The following ITPR1 variants were observed in gnomAD, a reference collection of about 807,000 sequenced individuals.
The protein encoded by ITPR1 is inositol 1,4,5-trisphosphate receptor type 1, also known as inositol 1,4,5-trisphosphate-gated calcium channel ITPR1.
ITPR1 carries 96 observed loss-of-function variants against 318.4 expected under a neutral mutation model. That is an observed-to-expected ratio of 0.30 (90% CI 0.26 to 0.36). ITPR1 has a LOEUF of 0.36. Among genes scored for constraint, ITPR1 ranks in the 10% least tolerant of loss-of-function variants. The probability of loss-of-function intolerance (pLI) is 1.00; values close to 1 mark genes in which losing one functional copy is unlikely to be tolerated. For missense variants in ITPR1, 2,440 were observed against 3,460.2 expected (o/e 0.71, Z 7.40); for synonymous variants, 1,312 against 1,289.9 (o/e 1.02, Z -0.37).
At chr3:4,653,224 C>G (rs997949237) in intron 11 of ITPR1, among the ~76,000 whole-genome samples, 20 of 152,142 alleles carry the variant, frequency 1.3e-4, no homozygotes, top group African/African-American at 4.8e-4. Context: ...GAGAGATTTC[C>G]AAGGTGATGG....
intron 44 of ITPR1, among the ~76,000 whole-genome samples, chr3:4,739,322 C>T (rs566999351): frequency 9.2e-5 from 14 of 152,144 alleles, no homozygotes; most frequent in Non-Finnish European, 1.3e-4. Context: ...ACTTCCTGTT[C>T]GGTGCACCAT....
chr3:4,532,698 A>T (rs2083519484), intron 4 of ITPR1, among the ~76,000 whole-genome samples: 1 of 152,138 alleles, frequency 6.6e-6, no homozygotes, highest in African/African-American at 2.4e-5. Context: ...ACAAGTTGTC[A>T]TGCTCCTGCA....
At chr3:4,547,804 T>G (rs942235418) in intron 4 of ITPR1, among the ~76,000 whole-genome samples, 1 of 152,130 alleles carries the variant, frequency 6.6e-6, no homozygotes, top group Non-Finnish European at 1.5e-5. Context: ...TGCCCTTCCC[T>G]CCTCAGGACT....
chr3:4,705,170 T>G (rs1276064167), intron 36 of ITPR1, among the ~76,000 whole-genome samples: 1 of 152,222 alleles, frequency 6.6e-6, no homozygotes, highest in Non-Finnish European at 1.5e-5. Context: ...AGGAAATCAT[T>G]GTTTTTTGGA....
In ITPR1 at chr3:4,782,759, C is replaced by T; in HGVS notation, c.6510+18C>T. ...CCCATCAGGTATGATCTCTCCTGTG[C>T]CTCCTCTGGATGCTGCCTCCCTACA... On this transcript the variant is annotated intron_variant, in intron 50 of 61. Coordinates refer to ENST00000649015, the MANE Select transcript of ITPR1 (RefSeq NM_001378452.1). The T allele has an allele frequency of 6.9e-7, 1 of 1,456,666 alleles. No homozygotes were observed. Among genetic ancestry groups the T allele is most frequent in the Non-Finnish European group, 9.1e-7 (1 of 1,098,010 alleles). The allele number at this position is 1,456,666 out of a possible 1,614,324, so 90.2% of individuals were successfully genotyped here.
chr3:4,497,059 GTTT>G (rs57639719), intron 2 of ITPR1, among the ~76,000 whole-genome samples: 14 of 151,116 alleles, frequency 9.3e-5, no homozygotes, highest in Middle Eastern at 6.9e-3. Context: ...AGTCCATGCA[GTTT>G]TTTTTTTTTC....
chr3:4,621,612 G>A (rs1426162225), intron 4 of ITPR1, among the ~76,000 whole-genome samples: 2 of 152,172 alleles, frequency 1.3e-5, no homozygotes, highest in Non-Finnish European at 2.9e-5. Context: ...GCCTTTGTGT[G>A]GTTTCCTACT....
At position 4,777,392 on chromosome 3, in the gene ITPR1, G is replaced by C. The variant is rs2046545514; in HGVS notation, c.6291+18G>C. On this transcript the variant is annotated intron_variant, in intron 48 of 61. Transcript: ENST00000649015. ...AACTGAAGGCAAGTAGGAATTAAAA[G>C]CAGAAGACAGTCATTTGGAAACAGT... The C allele has an allele frequency of 1.4e-6, 2 of 1,450,640 alleles. No homozygotes were observed. The highest frequency in any genetic ancestry group is 1.9e-6 in the Non-Finnish European group (2 of 1,047,746). 89.9% of individuals were successfully genotyped at this position (1,450,640 alleles called of 1,614,324 possible). A position where few individuals can be genotyped will look rare whatever the true frequency, so the allele number is the denominator to read the frequency against.
At chr3:4,761,320 A>G (rs2045430490) in intron 44 of ITPR1, among the ~76,000 whole-genome samples, 1 of 152,040 alleles carries the variant, frequency 6.6e-6, no homozygotes, top group African/African-American at 2.4e-5. Context: ...GTCCATGAGT[A>G]CCCAATGTTT....
At chr3:4,526,458 A>G (rs572646881) in intron 4 of ITPR1, among the ~76,000 whole-genome samples, 1 of 152,360 alleles carries the variant, frequency 6.6e-6, no homozygotes, top group African/African-American at 2.4e-5. Context: ...GTTGACCTCC[A>G]GCGCTGAGGC....
chr3:4,836,735 C>CTTT (rs201029025), intron 60 of ITPR1, 39 bp from the exon 61 acceptor site: 282 of 1,069,796 alleles, frequency 2.6e-4, no homozygotes, highest in African/African-American at 1.2e-3. Flanking sequence ...GTGACTCAGT[C>CTTT]TTTTTTTTTT....
chr3:4,625,779 G>C (rs777557113), intron 4 of ITPR1, among the ~76,000 whole-genome samples: 11 of 151,976 alleles, frequency 7.2e-5, no homozygotes, highest in Non-Finnish European at 1.6e-4. Flanking sequence ...GGATGGTCTC[G>C]ATCTCCTGAC....
intron 10 of ITPR1, among the ~76,000 whole-genome samples, chr3:4,646,936 TA>T (rs145325877): frequency 0.029 from 4,443 of 152,230 alleles, 78 homozygotes; most frequent in Non-Finnish European, 0.044. Flanking sequence ...AGCCTATGTA[TA>T]GTATAGTAAA....
chr3:4,559,669 A>G (rs2086482066), intron 4 of ITPR1, among the ~76,000 whole-genome samples: 1 of 152,198 alleles, frequency 6.6e-6, no homozygotes, highest in South Asian at 2.1e-4. Flanking sequence ...TAAAGCTAAT[A>G]GTTAATGGAT....
intron 4 of ITPR1, among the ~76,000 whole-genome samples, chr3:4,541,329 CT>C (rs1314160803): frequency 1.3e-5 from 2 of 151,562 alleles, no homozygotes; most frequent in Non-Finnish European, 2.9e-5. Flanking sequence ...GAAAATTTTA[CT>C]TTTATTTTTA....
In ITPR1 at chr3:4,669,167, G is replaced by T. The variant is rs373108237; in HGVS notation, c.1887-487G>T. 1.5e-4 allele frequency among the ~76,000 whole-genome samples: 23 copies of T among 152,172 alleles called. 1 individual carries two copies. Among genetic ancestry groups the T allele is most frequent in the East Asian group, 5.8e-4 (3 of 5,206 alleles). On this transcript the variant is annotated intron_variant, in intron 18 of 61. Coordinates refer to ENST00000649015, the MANE Select transcript of ITPR1 (RefSeq NM_001378452.1). ...TTCCGTTAATTATCTCATTTAATCCGCAGGACAGCCCTCAGAAGTGACACA... is the reference window on the plus strand; with the variant it reads ...TTCCGTTAATTATCTCATTTAATCCTCAGGACAGCCCTCAGAAGTGACACA...
chr3:4,806,172 G>A lies in ITPR1; in HGVS notation c.7177G>A (p.Ala2393Thr). 1 of 1,613,910 alleles carries A rather than the reference G, an allele frequency of 6.2e-7. No homozygotes were observed. The highest frequency in any genetic ancestry group is 8.5e-7 in the Non-Finnish European group (1 of 1,179,784). Residue 2393 changes from alanine (A) to threonine (T), a missense_variant, in exon 55 of 62, where the codon GCC becomes ACC. Coordinates refer to ENST00000649015, the MANE Select transcript of ITPR1 (RefSeq NM_001378452.1). ...NCGTFTRGYR[A>T]MVLDVEFLYH... ...TGGGACATTCACAAGAGGCTACCGA[G>A]CCATGGTTCTGGATGTTGAGTTCCT...
At chr3:4,675,688 T>G (rs1322714810) in intron 23 of ITPR1, among the ~76,000 whole-genome samples, 3 of 152,246 alleles carry the variant, frequency 2.0e-5, no homozygotes, top group Non-Finnish European at 4.4e-5. Context: ...GGCTTCTATC[T>G]TGGTGGCTAT....
chr3:4,673,160 G>A lies in ITPR1; in HGVS notation c.2229G>A (p.Arg743=). 1 of 1,613,826 alleles carries A rather than the reference G, an allele frequency of 6.2e-7. No individual in the cohort carries two copies. Among genetic ancestry groups the A allele is most frequent in the Non-Finnish European group, 8.5e-7 (1 of 1,179,798 alleles). ...YYRYQLNLFA[R]MCLDRQYLAI... is the part of the protein sequence containing the mutation. Reference sequence around the variant, plus strand: ...GATATCAGCTGAACCTCTTTGCGAGGATGTGTCTGGACCGCCAATACCTGG... The same window carrying A: ...GATATCAGCTGAACCTCTTTGCGAGAATGTGTCTGGACCGCCAATACCTGG... The change falls in exon 21 of 62, where the codon AGG becomes AGA. Residue 743 remains arginine (R), a synonymous_variant. Transcript: ENST00000649015.
Sources: gnomAD v4.1 joint callset for allele counts (sites outside exome capture counted in the v4.1 genomes callset) on GRCh38, gnomAD v4.1.1 for gene constraint, MANE v1.5 for transcripts, NCBI Gene and HGNC (gene_info 2026-07-23, HGNC 2026-07-21) for gene names.